CDH12: variants seen among roughly 807,000 people sequenced by gnomAD.
The protein encoded by CDH12 is cadherin-12.
In CDH12, 41 loss-of-function variants were observed where a neutral mutation model predicts 74.1. The observed-to-expected ratio is 0.55, with a 90% CI of 0.43 to 0.72. The LOEUF is 0.72. Among genes scored for constraint, CDH12 ranks in the 30% least tolerant of loss-of-function variants. The pLI is 0.00. For synonymous variants in CDH12, 399 were observed against 355.0 expected (o/e 1.12, Z -1.39); for missense variants, 945 against 977.2 (o/e 0.97, Z 0.44).
chr5:22,225,517 T>A (rs1299033913), intron 3 of CDH12, among the ~76,000 whole-genome samples: 1 of 152,094 alleles, frequency 6.6e-6, no homozygotes, highest in African/African-American at 2.4e-5. Flanking sequence ...ATTTTGAAAA[T>A]TTTAAGACAA....
At chr5:22,775,775 A>G (rs547281402) in intron 1 of CDH12, among the ~76,000 whole-genome samples, 60 of 151,994 alleles carry the variant, frequency 3.9e-4, no homozygotes, top group Non-Finnish European at 7.6e-4. Flanking sequence ...ATACTAACTG[A>G]TATGGTTTGA....
At chr5:22,812,905 T>C (rs1749218256) in intron 1 of CDH12, among the ~76,000 whole-genome samples, 1 of 152,006 alleles carries the variant, frequency 6.6e-6, no homozygotes, top group African/African-American at 2.4e-5. Flanking sequence ...TGTGTGCAGT[T>C]GAGGAGGTTG....
chr5:21,765,050 A>G lies in CDH12; in HGVS notation c.1443T>C (p.Asp481=). The G allele has an allele frequency of 1.2e-6, 2 of 1,610,280 alleles. No individual in the cohort carries two copies. Among genetic ancestry groups the G allele is most frequent in the Non-Finnish European group, 1.7e-6 (2 of 1,177,438 alleles). ...SKVNILINVL[D]VNEFPPEISV... is the part of the protein sequence containing the mutation. Reference sequence around the variant, plus strand: ...ATATTTCTGGAGGAAATTCATTTACATCTAAGACATTAATCAGTATATTGA... The same window carrying G: ...ATATTTCTGGAGGAAATTCATTTACGTCTAAGACATTAATCAGTATATTGA... The change falls in exon 12 of 15, where the codon GAT becomes GAC. Residue 481 remains aspartate, a synonymous_variant. Transcript: ENST00000382254.
chr5:22,447,518 G>A (rs113448731), intron 2 of CDH12, among the ~76,000 whole-genome samples: 1,818 of 152,122 alleles, frequency 0.012, 40 homozygotes, highest in African/African-American at 0.042. Context: ...AGTAACACAG[G>A]AAGGAAACTA....
At chr5:22,377,006 G>C (rs1265277765) in intron 3 of CDH12, among the ~76,000 whole-genome samples, 1 of 152,070 alleles carries the variant, frequency 6.6e-6, no homozygotes, top group Non-Finnish European at 1.5e-5. Context: ...ATTACCACCA[G>C]AGGCATCATG....
intron 6 of CDH12, among the ~76,000 whole-genome samples, chr5:21,932,365 T>A (rs886503941): frequency 6.6e-6 from 1 of 152,218 alleles, no homozygotes; most frequent in African/African-American, 2.4e-5. Flanking sequence ...TATTGGAACA[T>A]CCTTTGATGT....
At chr5:22,421,214 G>T (rs1005527387) in intron 2 of CDH12, among the ~76,000 whole-genome samples, 1 of 151,922 alleles carries the variant, frequency 6.6e-6, no homozygotes, top group Non-Finnish European at 1.5e-5. Context: ...TATACTTTAA[G>T]TTCTGGGATA....
At chr5:22,630,517 G>T (rs565824188) in intron 1 of CDH12, among the ~76,000 whole-genome samples, 2 of 152,080 alleles carry the variant, frequency 1.3e-5, no homozygotes, top group East Asian at 1.9e-4. Context: ...GATCTTCAAC[G>T]GTTGGCCAAA....
intron 1 of CDH12, among the ~76,000 whole-genome samples, chr5:22,756,098 G>GAAAAAAAAAAAAAAAAAAAAAAA: frequency 1.1e-5 from 1 of 87,328 alleles, no homozygotes. Flanking sequence ...TTCAAGGACC[G>GAAAAAAAAAAAAAAAAAAAAAAA]AAAAAAAAAA....
intron 9 of CDH12, among the ~76,000 whole-genome samples, chr5:21,811,425 A>C (rs1399188062): frequency 6.6e-6 from 1 of 152,032 alleles, no homozygotes; most frequent in Admixed American, 6.6e-5. Flanking sequence ...TTAGATTTTG[A>C]GTCCTTGAAA....
In CDH12 at chr5:22,374,350, A is replaced by T. The variant is rs551196075; in HGVS notation, c.-333+30907T>A. Among the ~76,000 whole-genome samples the T allele has an allele frequency of 4.1e-4, 63 of 152,328 alleles. 1 individual carries two copies. Among genetic ancestry groups the T allele is most frequent in the Non-Finnish European group, 7.8e-4 (53 of 68,030 alleles). On this transcript the variant is annotated intron_variant, in intron 3 of 14. Coordinates refer to ENST00000382254, the MANE Select transcript of CDH12 (RefSeq NM_004061.5). ...TGGCCATAACAAACACACAGCTATA[A>T]TTACATTGAATGGGGAAAAGCTGAA...
chr5:22,659,822 T>C (rs1239894977), intron 1 of CDH12, among the ~76,000 whole-genome samples: 3 of 152,134 alleles, frequency 2.0e-5, no homozygotes, highest in Non-Finnish European at 4.4e-5. Context: ...CATTTTTCTC[T>C]TTTATTTCTA....
intron 5 of CDH12, among the ~76,000 whole-genome samples, chr5:22,074,341 A>G (rs180907208): frequency 1.0e-3 from 153 of 152,310 alleles, no homozygotes; most frequent in Non-Finnish European, 1.7e-3. Flanking sequence ...TAAATGTTAG[A>G]CCTAAAACCA....
At chr5:22,537,760 G>GC (rs1737919598) in intron 1 of CDH12, among the ~76,000 whole-genome samples, 1 of 152,148 alleles carries the variant, frequency 6.6e-6, no homozygotes, top group African/African-American at 2.4e-5. Flanking sequence ...TTGTCCAGAA[G>GC]CCCCTCTCAG....
intron 2 of CDH12, among the ~76,000 whole-genome samples, chr5:22,447,985 T>TAAAAAAAAAAAAA (rs10660558): frequency 2.4e-5 from 2 of 84,496 alleles, no homozygotes; most frequent in Non-Finnish European, 2.1e-5. Context: ...TACAAGAAAT[T>TAAAAAAAAAAAAA]AAAAAAAAAA....
chr5:22,517,333 G>A (rs1736854674), intron 1 of CDH12, among the ~76,000 whole-genome samples: 1 of 151,776 alleles, frequency 6.6e-6, no homozygotes, highest in Admixed American at 6.6e-5. Flanking sequence ...TTTGCCTTCT[G>A]CCACTATAAA....
chr5:22,535,305 C>G (rs1371517190), intron 1 of CDH12, among the ~76,000 whole-genome samples: 5 of 151,942 alleles, frequency 3.3e-5, no homozygotes, highest in African/African-American at 1.2e-4. Flanking sequence ...CAGGCGCCCG[C>G]TACCACGCCC....
chr5:21,877,248 T>C (rs1395651628), intron 6 of CDH12, among the ~76,000 whole-genome samples: 1 of 151,988 alleles, frequency 6.6e-6, no homozygotes, highest in African/African-American at 2.4e-5. Flanking sequence ...TCTTTTTCAT[T>C]CAGGTAAACT....
At chr5:22,031,490 G>T (rs771687475) in intron 5 of CDH12, among the ~76,000 whole-genome samples, 1 of 151,978 alleles carries the variant, frequency 6.6e-6, no homozygotes, top group African/African-American at 2.4e-5. Flanking sequence ...TTTCCTTCAA[G>T]AACTTTTTCT....
Sources: allele counts gnomAD v4.1 joint callset (sites outside exome capture counted in the v4.1 genomes callset), GRCh38; gene constraint gnomAD v4.1.1; transcripts MANE v1.5; gene names NCBI Gene and HGNC (gene_info 2026-07-23, HGNC 2026-07-21).